The following ADAMTSL1 variants were observed in gnomAD, a reference collection of about 807,000 sequenced individuals.
The protein encoded by ADAMTSL1 is ADAMTS like 1.
In ADAMTSL1, 126 loss-of-function variants were observed where a neutral mutation model predicts 201.8. That is an observed-to-expected ratio of 0.62 (90% CI 0.54 to 0.72). The LOEUF (loss-of-function observed/expected upper bound fraction) is 0.72, where lower values mean the gene tolerates loss of function less well. Ranked by LOEUF, ADAMTSL1 falls within the 30% of genes least tolerant of loss-of-function variation. The pLI is 0.00. For missense variants in ADAMTSL1, 2,679 were observed against 2,277.8 expected (o/e 1.18, Z -3.59); for synonymous variants, 1,121 against 903.4 (o/e 1.24, Z -4.32).
At chr9:18,594,059 G>T (rs1039195804) in intron 4 of ADAMTSL1, among the ~76,000 whole-genome samples, 3 of 151,822 alleles carry the variant, frequency 2.0e-5, no homozygotes, top group Admixed American at 6.6e-5. Flanking sequence ...AGTTTTGAGG[G>T]TTGTCCTTTT....
intron 2 of ADAMTSL1, among the ~76,000 whole-genome samples, chr9:18,284,482 G>T (rs10963553): frequency 6.6e-6 from 1 of 151,966 alleles, no homozygotes; most frequent in South Asian, 2.1e-4. Flanking sequence ...TGCTTCATCA[G>T]AATTACTTGT....
rs764525707 is a variant in ADAMTSL1, at chr9:18,635,904, A to G, written c.602-39A>G. 45 of 1,558,840 alleles carry G rather than the reference A, an allele frequency of 2.9e-5. 1 individual carries two copies. The South Asian group carries it at 4.5e-4, about 16-fold the overall frequency. On this transcript the variant is annotated intron_variant, in intron 5 of 28. Transcript: ENST00000380548. ...GAAGGCAATCAATAATTTTGTGTCAAGTGACATGCTTTTAAGATTTTGCTT... is the reference window on the plus strand; with the variant it reads ...GAAGGCAATCAATAATTTTGTGTCAGGTGACATGCTTTTAAGATTTTGCTT...
At chr9:18,397,624 C>T (rs1192179519) in intron 2 of ADAMTSL1, among the ~76,000 whole-genome samples, 1 of 152,106 alleles carries the variant, frequency 6.6e-6, no homozygotes, top group Non-Finnish European at 1.5e-5. Flanking sequence ...AATACAAGTA[C>T]ATGTTTTCAG....
intron 2 of ADAMTSL1, among the ~76,000 whole-genome samples, chr9:18,194,108 A>G (rs72701544): frequency 6.6e-6 from 1 of 152,076 alleles, no homozygotes; most frequent in Non-Finnish European, 1.5e-5. Context: ...TGGAAAAAAA[A>G]TAGGGTTCTG....
chr9:18,073,716 T>A (rs1051842011), intron 1 of ADAMTSL1, among the ~76,000 whole-genome samples: 1 of 152,174 alleles, frequency 6.6e-6, no homozygotes, highest in Non-Finnish European at 1.5e-5. Flanking sequence ...GAAGACAACA[T>A]GGTGTATTTA....
chr9:18,680,229 A>G, intron 10 of ADAMTSL1, 83 bp from the exon 11 acceptor site: 1 of 1,376,854 alleles, frequency 7.3e-7, no homozygotes, highest in Non-Finnish European at 1.0e-6. Flanking sequence ...ACCAATAGAC[A>G]TGGGGAGTGG....
Position 18,622,293 on chromosome 9 carries a change from T to C in ADAMTSL1, c.525T>C (p.Cys175=). ...GAAGCACCGTCAAGGAAGATAACTGTGGGGTCTGCAACGGAGATGGGTCCA... is the reference window on the plus strand; with the variant it reads ...GAAGCACCGTCAAGGAAGATAACTGCGGGGTCTGCAACGGAGATGGGTCCA... ...QLGSTVKEDN[C]GVCNGDGSTC... The change falls in exon 5 of 29, where the codon TGT becomes TGC. Residue 175 remains cysteine, a synonymous_variant. Transcript: ENST00000380548. 6.2e-7 allele frequency: 1 copy of C among 1,614,058 alleles called. No homozygotes were observed. The highest frequency in any genetic ancestry group is 8.5e-7 in the Non-Finnish European group (1 of 1,179,952).
chr9:18,657,571 C>T (rs939155960), intron 7 of ADAMTSL1, 68 bp from the exon 8 acceptor site: 12 of 1,222,794 alleles, frequency 9.8e-6, no homozygotes, highest in African/African-American at 5.9e-5. Context: ...TACTCTTGTT[C>T]GAAGCTGCAA....
intron 7 of ADAMTSL1, among the ~76,000 whole-genome samples, chr9:18,649,142 C>T (rs1164394760): frequency 6.6e-6 from 1 of 152,222 alleles, no homozygotes; most frequent in East Asian, 1.9e-4. Flanking sequence ...TTCATTTCAT[C>T]TTCCCTGACT....
chr9:17,931,774 C>G (rs79703853), intron 1 of ADAMTSL1, among the ~76,000 whole-genome samples: 3,110 of 152,164 alleles, frequency 0.02, 114 homozygotes, highest in African/African-American at 0.071. Flanking sequence ...CTTCTTGGTT[C>G]TTTAATAGGA....
intron 23 of ADAMTSL1, among the ~76,000 whole-genome samples, chr9:18,839,698 G>T (rs575494268): frequency 0.038 from 5,855 of 152,220 alleles, 155 homozygotes; most frequent in South Asian, 0.099. Flanking sequence ...AGCACCTGTT[G>T]TTTCCTGACT....
At chr9:18,475,426 A>T (rs562033152) in intron 1 of ADAMTSL1, among the ~76,000 whole-genome samples, 37 of 152,344 alleles carry the variant, frequency 2.4e-4, no homozygotes, top group African/African-American at 8.9e-4. Context: ...CATCAAATAG[A>T]GTAATCAGAC....
intron 20 of ADAMTSL1, among the ~76,000 whole-genome samples, chr9:18,809,310 G>A (rs1018787469): frequency 6.6e-6 from 1 of 152,212 alleles, no homozygotes; most frequent in Non-Finnish European, 1.5e-5. Flanking sequence ...GACCGGAAGA[G>A]AGCCGTGCAG....
chr9:18,033,320 C>A (rs981492092), intron 1 of ADAMTSL1, among the ~76,000 whole-genome samples: 8 of 152,294 alleles, frequency 5.3e-5, no homozygotes, highest in African/African-American at 1.9e-4. Context: ...ACTCATTCCA[C>A]AGTGTGTACA....
intron 3 of ADAMTSL1, among the ~76,000 whole-genome samples, chr9:18,547,658 A>G (rs975719409): frequency 2.0e-5 from 3 of 149,108 alleles, no homozygotes; most frequent in Non-Finnish European, 4.5e-5. Flanking sequence ...AAAAAAAGAC[A>G]GTTGCCAGTT....
intron 2 of ADAMTSL1, among the ~76,000 whole-genome samples, chr9:18,283,669 T>C: frequency 6.8e-6 from 1 of 147,508 alleles, no homozygotes; most frequent in African/African-American, 2.5e-5. Context: ...TCCTAGCACT[T>C]TGGGAGACTG....
chr9:18,140,562 C>T (rs767151715), intron 1 of ADAMTSL1, among the ~76,000 whole-genome samples: 1 of 152,146 alleles, frequency 6.6e-6, no homozygotes, highest in Non-Finnish European at 1.5e-5. Context: ...GGGGGCTAGT[C>T]ATATAGGTGT....
chr9:18,558,751 C>G (rs1485647853), intron 3 of ADAMTSL1, among the ~76,000 whole-genome samples: 1 of 152,136 alleles, frequency 6.6e-6, no homozygotes, highest in Non-Finnish European at 1.5e-5. Context: ...TTCCATTTCT[C>G]TAATGACCAG....
At chr9:18,442,468 G>A (rs993523424) in intron 2 of ADAMTSL1, among the ~76,000 whole-genome samples, 1 of 152,112 alleles carries the variant, frequency 6.6e-6, no homozygotes, top group African/African-American at 2.4e-5. Flanking sequence ...TTCAAAGCTG[G>A]GAGGCACTGG....
Sources: allele counts gnomAD v4.1 joint callset (sites outside exome capture counted in the v4.1 genomes callset), GRCh38; gene constraint gnomAD v4.1.1; transcripts MANE v1.5; gene names NCBI Gene and HGNC (gene_info 2026-07-23, HGNC 2026-07-21).